The following VPS54 variants were observed in gnomAD, a reference collection of about 807,000 sequenced individuals.
VPS54 encodes the protein VPS54 subunit of GARP complex, also known as vacuolar protein sorting-associated protein 54.
A neutral mutation model predicts 121.5 loss-of-function variants in VPS54; 45 were observed. The ratio of observed to expected loss-of-function variants is 0.37; its 90% CI spans 0.29 to 0.47. The LOEUF is 0.47. Ranked by LOEUF, VPS54 falls within the 20% of genes least tolerant of loss-of-function variation. The pLI is 0.99. For synonymous variants in VPS54, 371 were observed against 385.8 expected (o/e 0.96, Z 0.45); for missense variants, 1,090 against 1,131.4 (o/e 0.96, Z 0.52).
rs1057432232 is a variant in VPS54, at chr2:63,914,522, C to A, written c.2229-235G>T. On this transcript the variant is annotated intron_variant, in intron 16 of 22. Coordinates refer to ENST00000272322, the MANE Select transcript of VPS54 (RefSeq NM_016516.3). The stretch of plus-strand genomic sequence containing the variant: ...AAGAGGCTCTTACTCTGTGCAATTG[C>A]AGGATCAGCTTGCACAACACTGAGA... Among the ~76,000 whole-genome samples the A allele has an allele frequency of 6.6e-5, 10 of 152,102 alleles. No homozygotes were observed. In the East Asian group the frequency reaches 1.2e-3, roughly 18 times the overall value.
chr2:64,001,697 G>A (rs1677889351), intron 1 of VPS54, among the ~76,000 whole-genome samples: 1 of 151,980 alleles, frequency 6.6e-6, no homozygotes, highest in Non-Finnish European at 1.5e-5. Flanking sequence ...GGCCTGACCA[G>A]TACCCTATCC....
chr2:63,920,123 G>T, intron 14 of VPS54, 128 bp from the exon 15 acceptor site: 2 of 675,304 alleles, frequency 3.0e-6, no homozygotes, highest in Non-Finnish European at 4.8e-6. Context: ...ACTTTAATAA[G>T]CAGGACCAAT....
intron 3 of VPS54, among the ~76,000 whole-genome samples, chr2:63,976,465 T>G (rs555219247): frequency 6.6e-4 from 100 of 152,294 alleles, no homozygotes; most frequent in Non-Finnish European, 1.2e-3. Context: ...CCAAATGCAT[T>G]AGTAAGTATG....
intron 20 of VPS54, among the ~76,000 whole-genome samples, chr2:63,910,424 C>T (rs984452524): frequency 6.6e-6 from 1 of 152,164 alleles, no homozygotes; most frequent in Non-Finnish European, 1.5e-5. Context: ...CAAATGCAAT[C>T]TGTGAACCGT....
At chr2:63,929,357 A>T (rs1049691322) in intron 12 of VPS54, among the ~76,000 whole-genome samples, 1 of 152,224 alleles carries the variant, frequency 6.6e-6, no homozygotes, top group Non-Finnish European at 1.5e-5. Flanking sequence ...CAGGATTAAG[A>T]ATCTCAATCA....
intron 7 of VPS54, among the ~76,000 whole-genome samples, chr2:63,959,129 T>C (rs1424349423): frequency 1.3e-5 from 2 of 152,176 alleles, no homozygotes; most frequent in Non-Finnish European, 2.9e-5. Context: ...TAAAGTTAAA[T>C]GGTCTTAAAA....
intron 1 of VPS54, among the ~76,000 whole-genome samples, chr2:64,005,125 A>G (rs1209525577): frequency 4.7e-5 from 2 of 42,624 alleles, no homozygotes; most frequent in African/African-American, 2.3e-4. Flanking sequence ...TTTTTTTGAG[A>G]CGGAGTCCCG....
In VPS54 at chr2:63,920,586, T is replaced by C; in HGVS notation, c.1911A>G (p.Thr637=). ...TGAATGTTTCCATTAATCTAGAAAG[T>C]GTTATGAATTCCATGGAATTTAGCT... ...LEKLNSMEFI[T]LSRLMETFIL... is the part of the protein sequence containing the mutation. Residue 637 remains threonine, a synonymous_variant, in exon 14 of 23, where the codon ACA becomes ACG. Transcript: ENST00000272322. 6.5e-7 allele frequency: 1 copy of C among 1,544,610 alleles called. No homozygotes were observed. The highest frequency in any genetic ancestry group is 8.7e-7 in the Non-Finnish European group (1 of 1,148,232).
chr2:63,918,840 T>C (rs1169913315), intron 15 of VPS54, among the ~76,000 whole-genome samples: 2 of 152,024 alleles, frequency 1.3e-5, no homozygotes, highest in Non-Finnish European at 2.9e-5. Flanking sequence ...TAGGCTATAC[T>C]TGTCTACCCT....
chr2:63,931,671 G>A (rs777095966), intron 12 of VPS54, among the ~76,000 whole-genome samples: 30 of 152,176 alleles, frequency 2.0e-4, no homozygotes, highest in African/African-American at 4.3e-4. Flanking sequence ...TAATTAAACG[G>A]AAGAGCTTCT....
intron 12 of VPS54, among the ~76,000 whole-genome samples, chr2:63,932,652 TA>T (rs770433517): frequency 1.3e-3 from 167 of 126,616 alleles, no homozygotes; most frequent in African/African-American, 2.3e-3. Context: ...ACTTAAAGTA[TA>T]AAAAAAAAAA....
chr2:63,961,874 T>C (rs1272967539), intron 7 of VPS54, among the ~76,000 whole-genome samples, 184 bp downstream of exon 7: 1 of 152,208 alleles, frequency 6.6e-6, no homozygotes, highest in East Asian at 1.9e-4. Flanking sequence ...GAAAATATTA[T>C]TCCTTATGGT....
At chr2:63,967,991 G>A (rs1328998872) in intron 5 of VPS54, among the ~76,000 whole-genome samples, 2 of 152,006 alleles carry the variant, frequency 1.3e-5, no homozygotes, top group African/African-American at 4.8e-5. Flanking sequence ...AAGTTTGGCT[G>A]AAGTAAAGAA....
At chr2:63,992,677 TA>T (rs1416939094) in intron 1 of VPS54, among the ~76,000 whole-genome samples, 2 of 152,226 alleles carry the variant, frequency 1.3e-5, no homozygotes, top group African/African-American at 4.8e-5. Flanking sequence ...GTGTTTCTAG[TA>T]AAAAAGAAAT....
intron 1 of VPS54, among the ~76,000 whole-genome samples, chr2:63,996,371 A>G (rs1384559559): frequency 1.3e-5 from 2 of 152,162 alleles, no homozygotes; most frequent in African/African-American, 4.8e-5. Flanking sequence ...TAATCTCTTA[A>G]TCCCATCATC....
chr2:63,899,971 T>C (rs139601154), intron 20 of VPS54, among the ~76,000 whole-genome samples: 441 of 152,288 alleles, frequency 2.9e-3, no homozygotes, highest in Non-Finnish European at 4.6e-3. Flanking sequence ...CAGTGCTTGA[T>C]ACAAAGTAAG....
intron 1 of VPS54, among the ~76,000 whole-genome samples, chr2:63,990,329 C>T (rs967718953): frequency 6.7e-5 from 10 of 149,708 alleles, no homozygotes; most frequent in Non-Finnish European, 1.0e-4. Flanking sequence ...CCCGCGGCCA[C>T]GACTCAGACA....
chr2:64,017,866 C>A (rs923019855), intron 1 of VPS54, among the ~76,000 whole-genome samples: 1 of 152,276 alleles, frequency 6.6e-6, no homozygotes, highest in African/African-American at 2.4e-5. Context: ...ATGAGCACTA[C>A]GAACCATCAA....
chr2:63,932,700 T>C (rs1309846843), intron 12 of VPS54, among the ~76,000 whole-genome samples: 1 of 151,664 alleles, frequency 6.6e-6, no homozygotes, highest in Non-Finnish European at 1.5e-5. Flanking sequence ...ACTGAGTTGA[T>C]TTATATAAAG....
Sources: allele counts gnomAD v4.1 joint callset (sites outside exome capture counted in the v4.1 genomes callset), GRCh38; gene constraint gnomAD v4.1.1; transcripts MANE v1.5; gene names NCBI Gene and HGNC (gene_info 2026-07-23, HGNC 2026-07-21).